Variants in SMARCA2 observed in about 807,000 individuals in gnomAD.
SMARCA2 encodes the protein SWI/SNF related BAF chromatin remodeling complex subunit ATPase 2.
SMARCA2 carries 61 observed loss-of-function variants against 199.8 expected under a neutral mutation model. The ratio of observed to expected loss-of-function variants is 0.31; its 90% confidence interval spans 0.25 to 0.38. SMARCA2 has a LOEUF of 0.38. Among genes scored for constraint, SMARCA2 ranks in the 10% least tolerant of loss-of-function variants. SMARCA2 has a pLI of 1.00. For missense variants in SMARCA2, 1,344 were observed against 2,012.2 expected (o/e 0.67, Z 6.35); for synonymous variants, 935 against 732.0 (o/e 1.28, Z -4.48).
In SMARCA2 at chr9:2,175,763, T is replaced by G. The variant is rs140979058; in HGVS notation, c.4253+5291T>G. On this transcript the variant is annotated intron_variant, in intron 29 of 33. Coordinates refer to ENST00000349721, the MANE Select transcript of SMARCA2 (RefSeq NM_003070.5). ...ATAAGAGTAAATTATTATTTTTCATTATGCTTTGGCATATCTCCTTCTGGT... is the reference window on the plus strand; with the variant it reads ...ATAAGAGTAAATTATTATTTTTCATGATGCTTTGGCATATCTCCTTCTGGT... Among the ~76,000 whole-genome samples the G allele has an allele frequency of 5.9e-3, 891 of 152,300 alleles. 3 individuals are homozygous for G. The highest frequency in any genetic ancestry group is 0.01 in the Middle Eastern group (3 of 294).
In SMARCA2 at chr9:2,039,425, G is replaced by C. The variant is rs747571389; in HGVS notation, c.356-41G>C. On this transcript the variant is annotated intron_variant, in intron 3 of 33. Transcript: ENST00000349721. This position sits in a 1 kb window ranked among gnomAD's most constrained non-coding sequence, Gnocchi z 4.8. ...TCAGGGATATCTCTCTTTCAGGGTT[G>C]TCAGGGGCAGCCTGTGATTTCCTTT... 43 of 1,588,246 alleles carry C rather than the reference G, an allele frequency of 2.7e-5. No homozygotes were observed. The highest frequency in any genetic ancestry group is 3.7e-5 in the Non-Finnish European group (43 of 1,165,404).
chr9:2,182,157 A>G lies in SMARCA2; in HGVS notation c.4376A>G (p.His1459Arg), dbSNP rs1203661729. ...TTCCATCAGGAAAGGATTCGTAATC[A>G]TAAGTACCGGAGCCTAGGCGACCTG... The part of the protein sequence containing the change: ...FKKIKERIRN[H>R]KYRSLGDLEK... Residue 1459 changes from histidine (H) to arginine (R), a missense_variant, in exon 31 of 34, where the codon CAT (histidine) becomes CGT (arginine). His to Arg is a conservative substitution (Grantham distance 29). Around this residue, in one of 18 missense-constraint regions of SMARCA2, gnomAD observed 151 missense variants for 154.0 expected, o/e 0.98. Transcript: ENST00000349721. 6.2e-7 allele frequency: 1 copy of G among 1,609,510 alleles called. No homozygotes were observed. The highest frequency in any genetic ancestry group is 1.3e-5 in the African/African-American group (1 of 74,806).
intron 4 of SMARCA2, among the ~76,000 whole-genome samples, 177 bp from the exon 5 acceptor site, chr9:2,047,052 C>A (rs1434478433): frequency 6.7e-6 from 1 of 149,042 alleles, no homozygotes; most frequent in Non-Finnish European, 1.5e-5. Context: ...TCTTGCCCTC[C>A]TCTCCCTCCC....
At position 2,130,339 on chromosome 9, in the gene SMARCA2, G is replaced by A. The variant is rs1413379200; in HGVS notation, c.3981+6402G>A. ...CTTCTTGTGCCATTCTGAGAATCCCGGTCCTCGGCCTTGTCGTGGCCGAGT... is the reference window on the plus strand; with the variant it reads ...CTTCTTGTGCCATTCTGAGAATCCCAGTCCTCGGCCTTGTCGTGGCCGAGT... On this transcript the variant is annotated intron_variant, in intron 27 of 33. Transcript: ENST00000349721. Among the ~76,000 whole-genome samples the A allele has an allele frequency of 2.6e-5, 4 of 152,278 alleles. No individual in the cohort carries two copies. In the East Asian group the frequency reaches 7.7e-4, roughly 29 times the overall value.
intron 4 of SMARCA2, chr9:2,041,042 G>T: frequency 3.9e-6 from 1 of 259,418 alleles, no homozygotes. Flanking sequence ...GTTCTGACAT[G>T]CAGGTTGTTG....
chr9:2,092,204 G>C (rs939725141), intron 19 of SMARCA2, among the ~76,000 whole-genome samples: 6 of 151,996 alleles, frequency 3.9e-5, no homozygotes, highest in African/African-American at 7.3e-5. Flanking sequence ...CTTGCAATTG[G>C]CTGGGTATTT....
intron 10 of SMARCA2, among the ~76,000 whole-genome samples, chr9:2,071,578 A>C (rs1366635675): frequency 6.6e-6 from 1 of 152,196 alleles, no homozygotes; most frequent in African/African-American, 2.4e-5. Flanking sequence ...GACTTGTGAC[A>C]TACATCTTTT....
At chr9:2,095,047 C>CAATT in intron 19 of SMARCA2, among the ~76,000 whole-genome samples, 1 of 151,922 alleles carries the variant, frequency 6.6e-6, no homozygotes, top group East Asian at 1.9e-4. Context: ...AAATATTATA[C>CAATT]CTTGATACAA....
At chr9:2,176,126 C>G (rs1826571542) in intron 29 of SMARCA2, among the ~76,000 whole-genome samples, 2 of 150,724 alleles carry the variant, frequency 1.3e-5, no homozygotes, top group Admixed American at 1.3e-4. Context: ...GGTGATCCAC[C>G]TGCCTCGGCC....
intron 24 of SMARCA2, among the ~76,000 whole-genome samples, chr9:2,112,728 G>T (rs1235755219): frequency 6.6e-6 from 1 of 152,084 alleles, no homozygotes; most frequent in Non-Finnish European, 1.5e-5. Context: ...GAGCTGACCA[G>T]ATTTTTCATC....
At chr9:2,120,294 G>C (rs1455301021) in intron 26 of SMARCA2, among the ~76,000 whole-genome samples, 3 of 152,190 alleles carry the variant, frequency 2.0e-5, no homozygotes, top group Non-Finnish European at 4.4e-5. Flanking sequence ...AGTGCCATCA[G>C]ATCTTACATG....
intron 27 of SMARCA2, among the ~76,000 whole-genome samples, chr9:2,157,186 AAAATGT>A (rs1210864512): frequency 6.6e-6 from 1 of 152,228 alleles, no homozygotes; most frequent in African/African-American, 2.4e-5. Flanking sequence ...CTCATATATG[AAAATGT>A]AAATGTAAAA....
At chr9:2,111,029 CA>C (rs1822970463) in intron 24 of SMARCA2, among the ~76,000 whole-genome samples, 1 of 149,498 alleles carries the variant, frequency 6.7e-6, no homozygotes, top group Non-Finnish European at 1.5e-5. Context: ...CCTTTTAAAG[CA>C]GTACTTTGAT....
intron 18 of SMARCA2, among the ~76,000 whole-genome samples, chr9:2,088,064 G>T (rs1346802046): frequency 6.6e-6 from 1 of 152,230 alleles, no homozygotes; most frequent in African/African-American, 2.4e-5. Context: ...TCAAGCCCCT[G>T]TTCCTTTAGT....
intron 1 of SMARCA2, among the ~76,000 whole-genome samples, chr9:2,023,775 T>C (rs1446791474): frequency 1.3e-5 from 2 of 152,232 alleles, no homozygotes; most frequent in East Asian, 3.8e-4. Context: ...GTTCTGAAGA[T>C]GTTGCTACTT....
At chr9:2,053,287 G>A (rs1216750369) in intron 5 of SMARCA2, among the ~76,000 whole-genome samples, 1 of 152,178 alleles carries the variant, frequency 6.6e-6, no homozygotes, top group African/African-American at 2.4e-5. Flanking sequence ...CATCCATGTT[G>A]CTGCAAAGGA....
intron 27 of SMARCA2, among the ~76,000 whole-genome samples, chr9:2,133,301 T>A (rs1379720145): frequency 6.6e-6 from 1 of 152,220 alleles, no homozygotes; most frequent in Non-Finnish European, 1.5e-5. Context: ...TGACGTTTTC[T>A]GCTTTTTTAC....
At chr9:2,156,561 G>C (rs867256756) in intron 27 of SMARCA2, among the ~76,000 whole-genome samples, 3 of 151,754 alleles carry the variant, frequency 2.0e-5, no homozygotes, top group South Asian at 2.1e-4. Flanking sequence ...CTCCTGAGTA[G>C]GTGGGATTAC....
At chr9:2,082,636 G>C (rs1215831924) in intron 15 of SMARCA2, among the ~76,000 whole-genome samples, 3 of 152,206 alleles carry the variant, frequency 2.0e-5, no homozygotes, top group Non-Finnish European at 4.4e-5. Flanking sequence ...CCTCCTGGGA[G>C]TTCAGTGTGT....
Sources: gnomAD v4.1 joint callset for allele counts (sites outside exome capture counted in the v4.1 genomes callset) on GRCh38, gnomAD v4.1.1 for gene constraint, gnomAD v4.1.1 regional missense constraint, Gnocchi (gnomAD v3.1) non-coding constraint, MANE v1.5 for transcripts, NCBI Gene and HGNC (gene_info 2026-07-23, HGNC 2026-07-21) for gene names.